ADAMTS12: variants seen among roughly 807,000 people sequenced by gnomAD.
ADAMTS12 encodes the protein ADAM metallopeptidase with thrombospondin type 1 motif 12, also known as A disintegrin and metalloproteinase with thrombospondin motifs 12.
In ADAMTS12, 118 loss-of-function variants were observed where a neutral mutation model predicts 167.8. The observed-to-expected ratio is 0.70, with a 90% CI of 0.61 to 0.82. The LOEUF is 0.82. Among genes scored for constraint, ADAMTS12 ranks in the 40% least tolerant of loss-of-function variants. The pLI, the probability that ADAMTS12 is intolerant of heterozygous loss-of-function variation, is 0.00. For missense variants in ADAMTS12, 1,916 were observed against 1,998.8 expected (o/e 0.96, Z 0.79); for synonymous variants, 704 against 716.9 (o/e 0.98, Z 0.29).
At chr5:33,749,531 C>T (rs534025200) in intron 3 of ADAMTS12, among the ~76,000 whole-genome samples, 2 of 152,212 alleles carry the variant, frequency 1.3e-5, no homozygotes, top group South Asian at 2.1e-4. Flanking sequence ...TTGTGAATTT[C>T]TCTACCACAT....
At chr5:33,665,884 T>C (rs1291855458) in intron 5 of ADAMTS12, among the ~76,000 whole-genome samples, 1 of 152,016 alleles carries the variant, frequency 6.6e-6, no homozygotes, top group Admixed American at 6.6e-5. Flanking sequence ...GGCAGGAAAA[T>C]GGGTCTAGAG....
At chr5:33,736,740 T>G (rs924564018) in intron 3 of ADAMTS12, among the ~76,000 whole-genome samples, 1 of 152,220 alleles carries the variant, frequency 6.6e-6, no homozygotes, top group African/African-American at 2.4e-5. Context: ...CCCTGTGTTA[T>G]TCCAGTTATA....
chr5:33,855,850 C>T lies in ADAMTS12; in HGVS notation c.489+25269G>A, dbSNP rs931988710. Among the ~76,000 whole-genome samples, 5 of 152,130 alleles carry T rather than the reference C, an allele frequency of 3.3e-5. No homozygotes were observed. The East Asian group carries it at 5.8e-4, about 18-fold the overall frequency. On this transcript the variant is annotated intron_variant, in intron 2 of 23. Coordinates refer to ENST00000504830, the MANE Select transcript of ADAMTS12 (RefSeq NM_030955.4). Reference sequence around the variant, plus strand: ...CAAGCAATTCTCCCACCTCAACCTCCGACGTAGTTGGGACTATAGGCAAGC... The same window carrying T: ...CAAGCAATTCTCCCACCTCAACCTCTGACGTAGTTGGGACTATAGGCAAGC...
intron 20 of ADAMTS12, 50 bp from the exon 21 acceptor site, chr5:33,549,433 C>A (rs1745148416): frequency 1.3e-6 from 2 of 1,578,250 alleles, no homozygotes; most frequent in South Asian, 1.1e-5. Flanking sequence ...TGGCATCAGG[C>A]CTCCCTTCCT....
chr5:33,613,468 A>T (rs1280290813), intron 16 of ADAMTS12, among the ~76,000 whole-genome samples: 1 of 152,122 alleles, frequency 6.6e-6, no homozygotes, highest in Admixed American at 6.6e-5. Context: ...ACTAACGCCA[A>T]CCAACGAGAT....
At chr5:33,835,914 T>C (rs1748491236) in intron 2 of ADAMTS12, among the ~76,000 whole-genome samples, 1 of 44,686 alleles carries the variant, frequency 2.2e-5, no homozygotes, top group African/African-American at 6.7e-5. Context: ...TCCATCTCTC[T>C]CTCTCTCTCT....
chr5:33,869,461 G>C (rs1223784621), intron 2 of ADAMTS12, among the ~76,000 whole-genome samples: 1 of 152,050 alleles, frequency 6.6e-6, no homozygotes, highest in Non-Finnish European at 1.5e-5. Flanking sequence ...TGTGTGGCTG[G>C]AACCCTACAC....
chr5:33,649,501 G>A (rs751309472), intron 8 of ADAMTS12, 53 bp downstream of exon 8: 2 of 1,590,502 alleles, frequency 1.3e-6, no homozygotes, highest in Non-Finnish European at 1.7e-6. Context: ...ACTCAATGCA[G>A]CTTCCAATTT....
At chr5:33,811,909 G>T (rs1747476056) in intron 2 of ADAMTS12, among the ~76,000 whole-genome samples, 1 of 152,192 alleles carries the variant, frequency 6.6e-6, no homozygotes, top group Admixed American at 6.5e-5. Flanking sequence ...GAGCCAGCCA[G>T]ATTTACAGAT....
chr5:33,880,656 G>A (rs1225839162), intron 2 of ADAMTS12, among the ~76,000 whole-genome samples: 6 of 152,242 alleles, frequency 3.9e-5, no homozygotes, highest in Non-Finnish European at 5.9e-5. Flanking sequence ...CTGACTGCCC[G>A]AGGTTCCCTC....
rs145629742 is a variant in ADAMTS12, at chr5:33,808,315, T to C, written c.490-56767A>G. On this transcript the variant is annotated intron_variant, in intron 2 of 23. Coordinates refer to ENST00000504830, the MANE Select transcript of ADAMTS12 (RefSeq NM_030955.4). ...AGTGGTTCTCAAACTTGGCTCAGCC[T>C]TGGACTCCCTGGGAAGCTTTTAAAA... Among the ~76,000 whole-genome samples, 65 of 152,276 alleles carry C rather than the reference T, an allele frequency of 4.3e-4. No homozygotes were observed. The East Asian group carries it at 0.011, about 26-fold the overall frequency.
At chr5:33,621,023 G>T (rs1372224381) in intron 14 of ADAMTS12, among the ~76,000 whole-genome samples, 2 of 152,136 alleles carry the variant, frequency 1.3e-5, no homozygotes, top group Non-Finnish European at 2.9e-5. Flanking sequence ...GGGAAGAGGA[G>T]GAACATAATT....
At chr5:33,821,158 A>G (rs1747853244) in intron 2 of ADAMTS12, among the ~76,000 whole-genome samples, 1 of 152,198 alleles carries the variant, frequency 6.6e-6, no homozygotes, top group Non-Finnish European at 1.5e-5. Context: ...ATCATCTCAC[A>G]TGATCATAAC....
intron 9 of ADAMTS12, among the ~76,000 whole-genome samples, chr5:33,646,891 G>A (rs969276831): frequency 6.6e-6 from 1 of 152,022 alleles, no homozygotes; most frequent in Non-Finnish European, 1.5e-5. Context: ...ATGAAAGTGA[G>A]AGAAAATTCA....
chr5:33,797,948 T>A (rs971311920), intron 2 of ADAMTS12, among the ~76,000 whole-genome samples: 1 of 152,212 alleles, frequency 6.6e-6, no homozygotes, highest in African/African-American at 2.4e-5. Flanking sequence ...TAAAGGCTTA[T>A]AGCAAGTATA....
At chr5:33,690,769 G>T (rs1052436857) in intron 3 of ADAMTS12, among the ~76,000 whole-genome samples, 2 of 151,822 alleles carry the variant, frequency 1.3e-5, no homozygotes, top group African/African-American at 4.8e-5. Flanking sequence ...TTATTATTTT[G>T]TTAATTATCT....
intron 5 of ADAMTS12, among the ~76,000 whole-genome samples, chr5:33,663,167 G>C (rs1434006404): frequency 6.6e-6 from 1 of 152,262 alleles, no homozygotes; most frequent in African/African-American, 2.4e-5. Flanking sequence ...AAGTCACTGA[G>C]CTGCTCAGCA....
chr5:33,864,536 C>A (rs1433771678), intron 2 of ADAMTS12, among the ~76,000 whole-genome samples: 1 of 152,124 alleles, frequency 6.6e-6, no homozygotes, highest in Non-Finnish European at 1.5e-5. Flanking sequence ...GACACATGCA[C>A]ATGTATGTTT....
intron 1 of ADAMTS12, among the ~76,000 whole-genome samples, chr5:33,882,580 T>C (rs1750485972): frequency 6.6e-6 from 1 of 152,114 alleles, no homozygotes; most frequent in African/African-American, 2.4e-5. Context: ...TTTTGTTGTT[T>C]TGTTTTGTTT....
Sources: gnomAD v4.1 joint callset for allele counts (sites outside exome capture counted in the v4.1 genomes callset) on GRCh38, gnomAD v4.1.1 for gene constraint, MANE v1.5 for transcripts, NCBI Gene and HGNC (gene_info 2026-07-23, HGNC 2026-07-21) for gene names.